ABCA8: variants seen among roughly 807,000 people sequenced by gnomAD.
ABCA8 encodes the protein ABC-type organic anion transporter ABCA8.
A neutral mutation model predicts 192.3 loss-of-function variants in ABCA8; 177 were observed. The ratio of observed to expected loss-of-function variants is 0.92; its 90% CI spans 0.81 to 1.04. The LOEUF is 1.04. ABCA8 is among the 50% of genes least tolerant of loss of function. The pLI is 0.00. For synonymous variants in ABCA8, 642 were observed against 690.2 expected (o/e 0.93, Z 1.09); for missense variants, 1,915 against 1,904.8 (o/e 1.01, Z -0.10).
intron 21 of ABCA8, among the ~76,000 whole-genome samples, chr17:68,899,169 A>G (rs2066841112): frequency 6.6e-6 from 1 of 152,080 alleles, no homozygotes. Context: ...AAGAAGAAAT[A>G]GAGGAACAAA....
intron 20 of ABCA8, among the ~76,000 whole-genome samples, 193 bp from the exon 21 acceptor site, chr17:68,903,072 T>C (rs547353784): frequency 6.6e-6 from 1 of 152,348 alleles, no homozygotes; most frequent in East Asian, 1.9e-4. Flanking sequence ...CCTTTGTTCA[T>C]TTCTCCTGTT....
intron 31 of ABCA8, 35 bp from the exon 32 acceptor site, chr17:68,881,246 T>G (rs2066328099): frequency 4.3e-6 from 6 of 1,400,474 alleles, no homozygotes; most frequent in Non-Finnish European, 5.1e-6. Flanking sequence ...TTAATCTATT[T>G]TAATGGTAAC....
intron 2 of ABCA8, among the ~76,000 whole-genome samples, chr17:68,944,359 T>TATATATATATATACACAC (rs765731645): frequency 7.2e-5 from 5 of 69,458 alleles, no homozygotes; most frequent in African/African-American, 2.7e-4. Flanking sequence ...TATATATATA[T>TATATATATATATACACAC]ACACATATAC....
At chr17:68,910,861 GA>G (rs2067213748) in intron 17 of ABCA8, among the ~76,000 whole-genome samples, 1 of 152,118 alleles carries the variant, frequency 6.6e-6, no homozygotes, top group Non-Finnish European at 1.5e-5. Flanking sequence ...CTGCCTTGAA[GA>G]AAAAGACCCA....
In ABCA8 at chr17:68,876,481, G is replaced by T. The variant is rs764991117; in HGVS notation, c.4349C>A (p.Pro1450His). 1 of 1,613,848 alleles carries T rather than the reference G, an allele frequency of 6.2e-7. No homozygotes were observed. Among genetic ancestry groups the T allele is most frequent in the African/African-American group, 1.3e-5 (1 of 74,904 alleles). Reference protein sequence around the residue: ...LLDEPSTGMDPEGQQQMWQAI... With the variant: ...LLDEPSTGMDHEGQQQMWQAI... ...TCACCACATTTGCTGCTGCCCCTCG[G>T]GGTCCATCCCGGTCGACGGCTCATC... The change falls in exon 35 of 40, where the codon CCC becomes CAC. Residue 1450 changes from proline (P) to histidine (H), a missense_variant. Physicochemically the swap from Pro to His is moderately conservative, Grantham distance 77. Coordinates refer to ENST00000586539, the MANE Select transcript of ABCA8 (RefSeq NM_001288985.2).
intron 24 of ABCA8, among the ~76,000 whole-genome samples, chr17:68,889,722 C>T (rs990346156): frequency 6.6e-6 from 1 of 152,166 alleles, no homozygotes; most frequent in Non-Finnish European, 1.5e-5. Context: ...TGACCCCCCA[C>T]ACCCCGAGCC....
chr17:68,875,166 T>G, intron 37 of ABCA8, 94 bp downstream of exon 37: 3 of 1,529,130 alleles, frequency 2.0e-6, no homozygotes, highest in African/African-American at 2.8e-5. Flanking sequence ...AATCTCTTTC[T>G]TTTAGGTTTT....
At chr17:68,873,524 C>G (rs1251319868) in intron 37 of ABCA8, among the ~76,000 whole-genome samples, 3 of 152,126 alleles carry the variant, frequency 2.0e-5, no homozygotes, top group Non-Finnish European at 4.4e-5. Context: ...TCAATTGTTT[C>G]TTTTGCTGTG....
At chr17:68,946,255 A>T (rs1037631736) in intron 2 of ABCA8, among the ~76,000 whole-genome samples, 6 of 152,134 alleles carry the variant, frequency 3.9e-5, no homozygotes, top group African/African-American at 1.2e-4. Flanking sequence ...TTTAGTAGAG[A>T]TGGGGTCTCA....
intron 17 of ABCA8, 95 bp from the exon 18 acceptor site, chr17:68,907,974 T>C (rs988586392): frequency 1.8e-6 from 2 of 1,118,306 alleles, no homozygotes; most frequent in African/African-American, 3.3e-5. Flanking sequence ...ACAAAGAAAA[T>C]CAATTAAAAT....
Position 68,881,153 on chromosome 17 carries a change from C to T in ABCA8, c.4005G>A (p.Val1335=), listed in dbSNP as rs761084582. ...NGAGKSTSIK[V]ITGDTKPTAG... ...CAGTTGGTTTTGTGTCTCCAGTTAT[C>T]ACCTTAATGGATGTGCTTTTACCAG... is the stretch of plus-strand genomic sequence containing the variant. Residue 1335 remains valine, a synonymous_variant, in exon 32 of 40, where the codon GTG becomes GTA. Transcript: ENST00000586539. The T allele has an allele frequency of 1.1e-5, 17 of 1,613,936 alleles. No homozygotes were observed. Among genetic ancestry groups the T allele is most frequent in the Non-Finnish European group, 1.3e-5 (15 of 1,179,880 alleles).
At position 68,868,350 on chromosome 17, in the gene ABCA8, T is replaced by C; in HGVS notation, c.4718A>G (p.Gln1573Arg). The change falls in exon 39 of 40, where the codon CAG becomes CGG. Residue 1573 changes from glutamine to arginine, a missense_variant. Gln to Arg is a conservative substitution (Grantham distance 43). Transcript: ENST00000586539. ...GCTGTACTCCTCTAGGTCAAAGCTC[T>C]GTTTAACTGCATAGGGATGAACATG... The part of the protein sequence containing the change: ...QAFFKLEKVK[Q>R]SFDLEEYSLS... 1 of 1,613,422 alleles carries C rather than the reference T, an allele frequency of 6.2e-7. No homozygotes were observed.
intron 24 of ABCA8, among the ~76,000 whole-genome samples, chr17:68,887,925 T>TATA: frequency 3.0e-5 from 3 of 101,024 alleles, no homozygotes; most frequent in Non-Finnish European, 5.7e-5. Context: ...TATATATATA[T>TATA]TATATATGGA....
chr17:68,921,488 C>A lies in ABCA8; in HGVS notation c.1506G>T (p.Leu502=). 2 of 1,591,716 alleles carry A rather than the reference C, an allele frequency of 1.3e-6. No homozygotes were observed. Among genetic ancestry groups the A allele is most frequent in the South Asian group, 1.1e-5 (1 of 87,646 alleles). ...TTTGGCCTTCGTAAATGTCAAATAC[C>A]AGATCTAGGAAGAAAAAAAGAAAGG... is the stretch of plus-strand genomic sequence containing the variant. The part of the protein sequence containing the change: ...KPDKIEALKD[L]VFDIYEGQIT... The change falls in exon 13 of 40, where the codon CTG becomes CTT. Residue 502 remains leucine (L), a synonymous_variant. Transcript: ENST00000586539.
intron 4 of ABCA8, among the ~76,000 whole-genome samples, chr17:68,938,745 A>G (rs1434261686): frequency 6.6e-6 from 1 of 152,114 alleles, no homozygotes; most frequent in Non-Finnish European, 1.5e-5. Flanking sequence ...TCCAACCATC[A>G]ATTCTGATTT....
At chr17:68,892,562 C>T (rs1348403640) in intron 23 of ABCA8, among the ~76,000 whole-genome samples, 1 of 152,146 alleles carries the variant, frequency 6.6e-6, no homozygotes, top group Non-Finnish European at 1.5e-5. Flanking sequence ...TCTAATTAAT[C>T]CTAGTTGAAA....
In ABCA8 at chr17:68,877,511, C is replaced by G. The variant is rs1411124819; in HGVS notation, c.4199+8G>C. 2.5e-6 allele frequency: 4 copies of G among 1,611,248 alleles called. No homozygotes were observed. The highest frequency in any genetic ancestry group is 3.4e-6 in the Non-Finnish European group (4 of 1,178,484). On this transcript the variant is annotated splice_region_variant and intron_variant, in intron 33 of 39. Transcript: ENST00000586539. ...TGGGTATAGAACAGATGTGGCTCCT[C>G]TGTGTACCGTGTGATGGCAACCTCA...
At chr17:68,925,021 A>G in intron 10 of ABCA8, 152 bp from the exon 11 acceptor site, 3 of 617,828 alleles carry the variant, frequency 4.9e-6, no homozygotes, top group Non-Finnish European at 5.3e-6. Flanking sequence ...ATGTAGCTTC[A>G]TAAGGAAAAA....
At chr17:68,916,566 T>G (rs2067371090) in intron 17 of ABCA8, among the ~76,000 whole-genome samples, 2 of 152,178 alleles carry the variant, frequency 1.3e-5, no homozygotes. Flanking sequence ...TAAAATAATG[T>G]TAAATATCTT....
Sources: gnomAD v4.1 joint callset for allele counts (sites outside exome capture counted in the v4.1 genomes callset) on GRCh38, gnomAD v4.1.1 for gene constraint, MANE v1.5 for transcripts, NCBI Gene and HGNC (gene_info 2026-07-23, HGNC 2026-07-21) for gene names.